The following MCF2L variants were observed in gnomAD, a reference collection of about 807,000 sequenced individuals.
The protein encoded by MCF2L is guanine nucleotide exchange factor DBS.
In MCF2L, 97 loss-of-function variants were observed where a neutral mutation model predicts 153.4. The observed-to-expected ratio is 0.63, with a 90% CI of 0.54 to 0.75. The LOEUF (loss-of-function observed/expected upper bound fraction) is 0.75. MCF2L is among the 30% of genes least tolerant of loss of function. The pLI is 0.00. For missense variants in MCF2L, 1,347 were observed against 1,495.2 expected, an observed-to-expected ratio of 0.90 and a Z score of 1.64; for synonymous variants, 659 against 632.2, an observed-to-expected ratio of 1.04 and a Z score of -0.64.
At chr13:112,965,314 G>A (rs1469197451), upstream of MCF2L, 6 of 152,268 alleles carry the variant, frequency 3.9e-5, no homozygotes, top group Non-Finnish European at 7.3e-5. Flanking sequence ...GTCACCACAT[G>A]GAGGCTGTCA....
intron 1 of MCF2L, chr13:113,009,774 C>T (rs1454023856): frequency 6.6e-6 from 1 of 152,362 alleles, no homozygotes; most frequent in Non-Finnish European, 1.5e-5. Flanking sequence ...TTTGGAGATC[C>T]TCAAGGATGG....
intron 2 of MCF2L, among the ~76,000 whole-genome samples, chr13:112,948,280 A>G (rs968168313): frequency 1.3e-5 from 2 of 152,172 alleles, no homozygotes; most frequent in African/African-American, 4.8e-5. Flanking sequence ...TTTCTTCCCT[A>G]AATACTCTTT....
rs910549950 is a variant in MCF2L at position 113,098,767 on chromosome 13, A to G, written c.*1908A>G. 9.8e-5 allele frequency: 15 copies of G among 152,360 alleles called. No individual in the cohort carries two copies. The highest frequency in any genetic ancestry group is 3.6e-4 in the African/African-American group (15 of 41,592). 9.4% of individuals were successfully genotyped at this position (152,360 alleles called of 1,614,324 possible). ...AGCAACAAGGTTGTGCGTGTCAGAA[A>G]CGCAAAGGCAGCAGAGGAAGCGTAG... On this transcript the variant is annotated 3_prime_UTR_variant, in exon 30 of 30. Transcript: ENST00000535094.
chr13:112,925,544 A>C (rs184049378), intron 2 of MCF2L, among the ~76,000 whole-genome samples: 12 of 152,358 alleles, frequency 7.9e-5, no homozygotes, highest in Admixed American at 3.9e-4. Flanking sequence ...CTACACGAGA[A>C]GAAATAAACC....
In MCF2L at chr13:113,097,013, C is replaced by A; in HGVS notation, c.*154C>A. ...GCAGAGGACCCCTCCGGGGCAGAGGCAGGTTCCACGGAAGACCCCGGCCCG... is the reference window on the plus strand; with the variant it reads ...GCAGAGGACCCCTCCGGGGCAGAGGAAGGTTCCACGGAAGACCCCGGCCCG... On this transcript the variant is annotated 3_prime_UTR_variant, in exon 30 of 30. Transcript: ENST00000535094. The A allele has an allele frequency of 2.2e-6, 1 of 462,276 alleles. No homozygotes were observed. The highest frequency in any genetic ancestry group is 3.5e-6 in the Non-Finnish European group (1 of 285,874). The allele number at this position is 462,276 out of a possible 1,614,324, so 28.6% of individuals were successfully genotyped here.
intron 15 of MCF2L, among the ~76,000 whole-genome samples, 190 bp downstream of exon 15, chr13:113,078,929 C>T (rs954879478): frequency 2.6e-5 from 4 of 152,242 alleles, no homozygotes; most frequent in Admixed American, 6.5e-5. Flanking sequence ...TGGTCCCCAC[C>T]GCGTGAAGCA....
intron 3 of MCF2L, among the ~76,000 whole-genome samples, chr13:113,034,948 C>T (rs966531960): frequency 1.3e-4 from 20 of 152,168 alleles, no homozygotes; most frequent in African/African-American, 4.3e-4. Flanking sequence ...CCCGCAGTCC[C>T]GGGCGGTGGC....
In MCF2L at chr13:112,904,064, G is replaced by C. The variant is rs185332616; in HGVS notation, c.169+1693G>C. ...CCGTGGCCACTCAGAACCTCGGACT[G>C]GTGCCTTTCCCTGAGCGCCCAAGTC... On this transcript the variant is annotated intron_variant, in intron 2 of 29. Coordinates refer to the MCF2L transcript ENST00000375608. This position sits in a 1 kb window ranked among gnomAD's most constrained non-coding sequence, Gnocchi z 4.2. Among the ~76,000 whole-genome samples the C allele has an allele frequency of 2.6e-3, 403 of 152,230 alleles. 3 individuals carry two copies. Among genetic ancestry groups the C allele is most frequent in the African/African-American group, 9.4e-3 (391 of 41,548 alleles).
rs367715657 is a variant in MCF2L, at chr13:113,099,410, G to A, written c.*2551G>A. ...AGCTTGTTTCTAACTCACGGGATGC[G>A]GGCAGTCTGCTCTCTAGAACTGGAC... On this transcript the variant is annotated 3_prime_UTR_variant, in exon 30 of 30. Coordinates refer to ENST00000535094, the MANE Select transcript of MCF2L (RefSeq NM_001112732.3). The A allele has an allele frequency of 8.5e-5, 13 of 152,162 alleles. No homozygotes were observed. Among genetic ancestry groups the A allele is most frequent in the Non-Finnish European group, 1.9e-4 (13 of 68,044 alleles). The allele number at this position is 152,162 out of a possible 1,614,324, so 9.4% of individuals were successfully genotyped here.
intron 1 of MCF2L, among the ~76,000 whole-genome samples, chr13:112,898,703 G>A (rs1054875424): frequency 2.0e-5 from 3 of 152,120 alleles, no homozygotes; most frequent in African/African-American, 7.2e-5. Context: ...TAGAAGCCCA[G>A]ACGGCCTCCC....
chr13:112,944,179 C>A (rs566548311), intron 2 of MCF2L, among the ~76,000 whole-genome samples: 1 of 131,826 alleles, frequency 7.6e-6, no homozygotes, highest in Admixed American at 7.7e-5. Context: ...AAGGGAGGCT[C>A]CTGGGCTGTG....
chr13:113,017,868 C>T (rs1442572349), intron 2 of MCF2L, among the ~76,000 whole-genome samples: 1 of 152,226 alleles, frequency 6.6e-6, no homozygotes, highest in Non-Finnish European at 1.5e-5. Flanking sequence ...GGAATGGCTT[C>T]CGTGAAGTGC....
chr13:113,065,207 C>T lies in MCF2L; in HGVS notation c.756+122C>T, dbSNP rs184543850. ...CCAGCGGGAGTTTGTGTCAGCAGCA[C>T]GTAAGACCAAGAAGTCAGCAGGCTT... is the stretch of plus-strand genomic sequence containing the variant. On this transcript the variant is annotated intron_variant, in intron 7 of 29. Transcript: ENST00000535094. 1,361 of 1,230,526 alleles carry T rather than the reference C, an allele frequency of 1.1e-3. 11 individuals carry two copies. In the African/African-American group the frequency reaches 0.019, roughly 17 times the overall value. The allele number at this position is 1,230,526 out of a possible 1,614,324, so 76.2% of individuals were successfully genotyped here. A position where few individuals can be genotyped will look rare whatever the true frequency, so the allele number is the denominator to read the frequency against.
In MCF2L at chr13:113,054,894, C is replaced by G. The variant is rs1214337236; in HGVS notation, c.370-5699C>G. 2 of 152,174 alleles carry G rather than the reference C, an allele frequency of 1.3e-5. No individual in the cohort carries two copies. The highest frequency in any genetic ancestry group is 4.8e-5 in the African/African-American group (2 of 41,434). 9.4% of individuals were successfully genotyped at this position (152,174 alleles called of 1,614,324 possible). A position where few individuals can be genotyped will look rare whatever the true frequency, so the allele number is the denominator to read the frequency against. ...ACACATATCTGTTCCTAAGTTCATCCAGGTCAGCCCAGAAAATGAGCAATA... is the reference window on the plus strand; with the variant it reads ...ACACATATCTGTTCCTAAGTTCATCGAGGTCAGCCCAGAAAATGAGCAATA... On this transcript the variant is annotated intron_variant, in intron 4 of 29. Coordinates refer to ENST00000535094, the MANE Select transcript of MCF2L (RefSeq NM_001112732.3). The surrounding 1 kb of genome is among the most constrained non-coding windows in gnomAD (Gnocchi z 5.2).
At chr13:112,991,786 T>C (rs182756374) in intron 1 of MCF2L, among the ~76,000 whole-genome samples, 5 of 152,306 alleles carry the variant, frequency 3.3e-5, no homozygotes, top group Admixed American at 1.3e-4. Flanking sequence ...CGGGTTAAGT[T>C]ACCGGAAGTC....
chr13:112,959,193 T>C (rs1275661590), intron 2 of MCF2L, among the ~76,000 whole-genome samples: 1 of 152,208 alleles, frequency 6.6e-6, no homozygotes, highest in Non-Finnish European at 1.5e-5. Flanking sequence ...CCTCTAGTTT[T>C]TCTTTTAGAA....
In MCF2L at chr13:112,917,416, A is replaced by G. The variant is rs146284797; in HGVS notation, c.169+15045A>G. 1.7e-3 allele frequency: 578 copies of G among 338,112 alleles called. 2 individuals are homozygous for G. The highest frequency in any genetic ancestry group is 0.012 in the African/African-American group (556 of 46,552). The allele number at this position is 338,112 out of a possible 1,614,324, so 20.9% of individuals were successfully genotyped here. A position where few individuals can be genotyped will look rare whatever the true frequency, so the allele number is the denominator to read the frequency against. On this transcript the variant is annotated intron_variant, in intron 2 of 29. Coordinates refer to the MCF2L transcript ENST00000375608. ...TTGGCTGTGCCTCCAGAACAGATCC[A>G]GAATCCAGCCAGGCTACCGCCCTGT...
intron 26 of MCF2L, among the ~76,000 whole-genome samples, chr13:113,092,412 G>A (rs540603410): frequency 6.9e-5 from 10 of 144,754 alleles, no homozygotes; most frequent in Admixed American, 2.0e-4. Context: ...CATTTCCACC[G>A]TGGCCAGTGT....
intron 25 of MCF2L, among the ~76,000 whole-genome samples, chr13:113,089,172 C>G (rs1445059351): frequency 2.7e-5 from 3 of 111,138 alleles, no homozygotes; most frequent in African/African-American, 7.9e-5. Context: ...CTCCCCCGCC[C>G]CCCCCCCCGC....
Sources: gnomAD v4.1 joint callset for allele counts (sites outside exome capture counted in the v4.1 genomes callset) on GRCh38, gnomAD v4.1.1 for gene constraint, Gnocchi (gnomAD v3.1) non-coding constraint, MANE v1.5 for transcripts, NCBI Gene and HGNC (gene_info 2026-07-23, HGNC 2026-07-21) for gene names.